The following MYO9A variants were observed in gnomAD, a reference collection of about 807,000 sequenced individuals.
The protein encoded by MYO9A is unconventional myosin-IXa.
Under a neutral mutation model 293.3 loss-of-function variants are expected in MYO9A, and 103 were observed. The ratio of observed to expected loss-of-function variants is 0.35; its 90% CI spans 0.30 to 0.41. MYO9A has a LOEUF of 0.41. MYO9A is among the 10% of genes least tolerant of loss of function. The pLI, the probability that MYO9A is intolerant of heterozygous loss-of-function variation, is 1.00. For synonymous variants in MYO9A, 1,001 were observed against 1,035.7 expected (o/e 0.97, Z 0.64); for missense variants, 2,685 against 3,033.0 (o/e 0.89, Z 2.69).
At chr15:72,085,304 A>G (rs1327977020) in intron 1 of MYO9A, among the ~76,000 whole-genome samples, 1 of 151,974 alleles carries the variant, frequency 6.6e-6, no homozygotes, top group African/African-American at 2.4e-5. Context: ...GAGGCAGGAG[A>G]ATCGTTTCAA....
intron 2 of MYO9A, 45 bp from the exon 3 acceptor site, chr15:72,032,633 AT>A (rs368689705): frequency 4.6e-4 from 560 of 1,225,792 alleles, no homozygotes; most frequent in African/African-American, 1.2e-3. Flanking sequence ...AAAAAAAAAA[AT>A]TTTTTTTTGG....
At chr15:72,101,323 G>A (rs1162889369) in intron 1 of MYO9A, among the ~76,000 whole-genome samples, 8 of 143,190 alleles carry the variant, frequency 5.6e-5, no homozygotes, top group Non-Finnish European at 9.3e-5. Context: ...CAGCCGCCCC[G>A]TCCGGGAGGG....
intron 32 of MYO9A, among the ~76,000 whole-genome samples, chr15:71,864,104 GT>G: frequency 6.6e-6 from 1 of 152,272 alleles, no homozygotes; most frequent in South Asian, 2.1e-4. Context: ...ATATTAGAAT[GT>G]TATGTAATTA....
chr15:72,053,892 GAA>G (rs1162273533), intron 1 of MYO9A, among the ~76,000 whole-genome samples: 1 of 151,896 alleles, frequency 6.6e-6, no homozygotes, highest in Non-Finnish European at 1.5e-5. Flanking sequence ...AAGGAGAAGA[GAA>G]AAAAGTCAGA....
At chr15:72,007,155 T>C (rs1053517544) in intron 8 of MYO9A, among the ~76,000 whole-genome samples, 16 of 152,132 alleles carry the variant, frequency 1.1e-4, no homozygotes, top group African/African-American at 3.9e-4. Context: ...TATACACAGG[T>C]TAGTATATAC....
chr15:71,871,243 G>A (rs1235708367), intron 32 of MYO9A, among the ~76,000 whole-genome samples: 1 of 151,668 alleles, frequency 6.6e-6, no homozygotes, highest in Non-Finnish European at 1.5e-5. Flanking sequence ...AGGCATGATA[G>A]GTGTGCGTGT....
intron 38 of MYO9A, among the ~76,000 whole-genome samples, 168 bp from the exon 39 acceptor site, chr15:71,849,136 T>A (rs1300929348): frequency 6.6e-6 from 1 of 152,226 alleles, no homozygotes; most frequent in Admixed American, 6.5e-5. Flanking sequence ...CAACTTTGGC[T>A]GCACTTTAGA....
chr15:72,032,373 AG>A, intron 3 of MYO9A, 120 bp downstream of exon 3: 1 of 597,070 alleles, frequency 1.7e-6, no homozygotes, highest in Non-Finnish European at 2.6e-6. Flanking sequence ...AAAAGTTGAC[AG>A]GGAAGAATTT....
intron 23 of MYO9A, 125 bp from the exon 24 acceptor site, chr15:71,900,131 G>A: frequency 9.6e-7 from 1 of 1,039,542 alleles, no homozygotes; most frequent in East Asian, 2.6e-5. Flanking sequence ...CTAAATTCTT[G>A]GTGATTAAAA....
At chr15:72,099,869 T>G (rs561852546) in intron 1 of MYO9A, among the ~76,000 whole-genome samples, 7 of 114,242 alleles carry the variant, frequency 6.1e-5, no homozygotes, top group South Asian at 6.1e-4. Flanking sequence ...GCCACTGCAC[T>G]CCAGCCCTCC....
At chr15:71,886,242 TGCCTTGGTGG>T (rs1417466143) in intron 27 of MYO9A, among the ~76,000 whole-genome samples, 1 of 150,664 alleles carries the variant, frequency 6.6e-6, no homozygotes, top group Non-Finnish European at 1.5e-5. Flanking sequence ...AGCTCTAGTG[TGCCTTGGTGG>T]GCCTGCTAAA....
At chr15:71,888,185 AG>A in intron 26 of MYO9A, 69 bp from the exon 27 acceptor site, 1 of 821,930 alleles carries the variant, frequency 1.2e-6, no homozygotes, top group South Asian at 1.7e-5. Context: ...ATTTAAATTC[AG>A]GTTACAGAAT....
chr15:71,950,781 G>A (rs1256348938), intron 15 of MYO9A, among the ~76,000 whole-genome samples: 2 of 152,132 alleles, frequency 1.3e-5, no homozygotes, highest in Admixed American at 6.5e-5. Context: ...CTGACAACTG[G>A]ATAGTAAAAT....
At position 72,045,584 on chromosome 15, in the gene MYO9A, C is replaced by G. The variant is rs1173353244; in HGVS notation, c.840+140G>C. 1.7e-5 allele frequency: 17 copies of G among 1,015,522 alleles called. No individual in the cohort carries two copies. The Admixed American group carries it at 4.2e-4, about 25-fold the overall frequency. 62.9% of individuals were successfully genotyped at this position (1,015,522 alleles called of 1,614,324 possible). ...CCCAGCCCTAAATGAGTTTTTGGAG[C>G]TGGGAGATGGAACAGTATCTTGCTT... On this transcript the variant is annotated intron_variant, in intron 2 of 41. Coordinates refer to ENST00000356056, the MANE Select transcript of MYO9A (RefSeq NM_006901.4).
chr15:72,097,016 A>G (rs2080085508), intron 1 of MYO9A, among the ~76,000 whole-genome samples: 1 of 152,264 alleles, frequency 6.6e-6, no homozygotes. Context: ...TTCTTGAGAT[A>G]GAATCTACTC....
intron 23 of MYO9A, among the ~76,000 whole-genome samples, 199 bp from the exon 24 acceptor site, chr15:71,900,205 C>A (rs1406963546): frequency 6.6e-6 from 1 of 152,098 alleles, no homozygotes. Flanking sequence ...GAGGCTAAGG[C>A]AGGCAGATCA....
In MYO9A at chr15:71,823,393, G is replaced by A. The variant is rs1162098045; in HGVS notation, c.*3187C>T. On this transcript the variant is annotated 3_prime_UTR_variant, in exon 42 of 42. Transcript: ENST00000356056. ...TCATTAATCTTCCAGCAGGGTAAGT[G>A]CTCTGGCAGGTTTCCAAAGCATGAG... 2.0e-5 allele frequency: 3 copies of A among 152,200 alleles called. No individual in the cohort carries two copies. Among genetic ancestry groups the A allele is most frequent in the South Asian group, 2.1e-4 (1 of 4,830 alleles). The allele number at this position is 152,200 out of a possible 1,614,324, so 9.4% of individuals were successfully genotyped here. A position where few individuals can be genotyped will look rare whatever the true frequency, so the allele number is the denominator to read the frequency against.
At chr15:71,905,243 G>A (rs1255430257) in intron 19 of MYO9A, among the ~76,000 whole-genome samples, 3 of 152,080 alleles carry the variant, frequency 2.0e-5, no homozygotes, top group Non-Finnish European at 4.4e-5. Flanking sequence ...TATTGCAGAT[G>A]TTTTCAGAAC....
At chr15:71,966,448 T>C (rs2075881553) in intron 13 of MYO9A, among the ~76,000 whole-genome samples, 1 of 152,126 alleles carries the variant, frequency 6.6e-6, no homozygotes, top group African/African-American at 2.4e-5. Context: ...TTATGCACAA[T>C]ATCCTCAAGT....
Sources: allele counts gnomAD v4.1 joint callset (sites outside exome capture counted in the v4.1 genomes callset), GRCh38; gene constraint gnomAD v4.1.1; transcripts MANE v1.5; gene names NCBI Gene and HGNC (gene_info 2026-07-23, HGNC 2026-07-21).